LIFR: variants seen among roughly 807,000 people sequenced by gnomAD.
LIFR encodes the protein LIF receptor subunit alpha.
Under a neutral mutation model 122.2 loss-of-function variants are expected in LIFR, and 84 were observed. The ratio of observed to expected loss-of-function variants is 0.69; its 90% CI spans 0.58 to 0.82. The LOEUF (loss-of-function observed/expected upper bound fraction) is 0.82, where lower values mean the gene tolerates loss of function less well. Among genes scored for constraint, LIFR ranks in the 40% least tolerant of loss-of-function variants. The probability of loss-of-function intolerance (pLI) is 0.00; values close to 1 mark genes in which losing one functional copy is unlikely to be tolerated. For missense variants in LIFR, 1,294 were observed against 1,311.6 expected (o/e 0.99, Z 0.21); for synonymous variants, 422 against 434.7 (o/e 0.97, Z 0.36).
intron 8 of LIFR, 21 bp downstream of exon 8, chr5:38,506,482 T>C (rs1458372434): frequency 9.3e-6 from 15 of 1,613,864 alleles, no homozygotes; most frequent in Non-Finnish European, 1.3e-5. Context: ...CCATCTGACA[T>C]CTTTTCCCAG....
At chr5:38,592,738 TAATTA>T (rs938823894) in intron 1 of LIFR, among the ~76,000 whole-genome samples, 98 of 152,288 alleles carry the variant, frequency 6.4e-4, no homozygotes, top group African/African-American at 2.2e-3. Context: ...ACTAATAGTT[TAATTA>T]AATTAAACTA....
chr5:38,494,395 G>A (rs374924381), intron 13 of LIFR, among the ~76,000 whole-genome samples: 6 of 152,126 alleles, frequency 3.9e-5, no homozygotes, highest in African/African-American at 1.2e-4. Context: ...AGGTGGGATG[G>A]CCAGTGTGGA....
Position 38,530,612 on chromosome 5 carries a change from G to A in LIFR, c.36C>T (p.Ser12=). 6.2e-7 allele frequency: 1 copy of A among 1,613,368 alleles called. No homozygotes were observed. Among genetic ancestry groups the A allele is most frequent in the Non-Finnish European group, 8.5e-7 (1 of 1,179,352 alleles). ...TCATTCTTTTATTGTCCACCATCCAGGATGGTCGTTTCAAACATACGTAAA... is the reference window on the plus strand; with the variant it reads ...TCATTCTTTTATTGTCCACCATCCAAGATGGTCGTTTCAAACATACGTAAA... ...MDIYVCLKRP[S]WMVDNKRMRT... is the part of the protein sequence containing the mutation. Residue 12 remains serine (S), a synonymous_variant, in exon 2 of 20, where the codon TCC becomes TCT. Transcript: ENST00000453190.
intron 9 of LIFR, among the ~76,000 whole-genome samples, chr5:38,505,065 T>C (rs941708216): frequency 1.3e-5 from 2 of 152,218 alleles, no homozygotes; most frequent in South Asian, 4.2e-4. Context: ...TTTATTTTTA[T>C]TTGGAGCTAT....
intron 1 of LIFR, among the ~76,000 whole-genome samples, chr5:38,552,683 G>C (rs1748267719): frequency 6.6e-6 from 1 of 152,182 alleles, no homozygotes; most frequent in South Asian, 2.1e-4. Flanking sequence ...TCATGGAAGA[G>C]CAGTCAAGTG....
Position 38,569,839 on chromosome 5 carries a change from T to C in LIFR, c.-20+25422A>G, listed in dbSNP as rs1749152798. Reference sequence around the variant, plus strand: ...CCTCCTCTTTCCGAAGAATCTTTATTCTAATATTCATTTCATTCTGCCTAG... The same window carrying C: ...CCTCCTCTTTCCGAAGAATCTTTATCCTAATATTCATTTCATTCTGCCTAG... On this transcript the variant is annotated intron_variant, in intron 1 of 19. Coordinates refer to the LIFR transcript ENST00000263409. Among the ~76,000 whole-genome samples the C allele has an allele frequency of 1.3e-5, 2 of 152,218 alleles. 1 individual carries two copies. Among genetic ancestry groups the C allele is most frequent in the South Asian group, 4.1e-4 (2 of 4,830 alleles).
chr5:38,481,629 A>G lies in LIFR; in HGVS notation c.3260T>C (p.Phe1087Ser), dbSNP rs1743989521. ...TGGTTTGTTCTGAAAAAAGTTTGTA[A>G]AGGACCACCCTCCTCCATTAGATTT... ...SPKSNGGGWS[F>S]TNFFQNKPND Residue 1087 changes from phenylalanine (F) to serine (S), a missense_variant, in exon 20 of 20, where the codon TTT (phenylalanine) becomes TCT (serine). Phe to Ser is a radical substitution (Grantham distance 155). Coordinates refer to ENST00000453190, the MANE Select transcript of LIFR (RefSeq NM_001127671.2). The G allele has an allele frequency of 1.2e-6, 2 of 1,614,136 alleles. No homozygotes were observed. Among genetic ancestry groups the G allele is most frequent in the East Asian group, 4.5e-5 (2 of 44,890 alleles).
Position 38,480,929 on chromosome 5 carries a change from CT to C in LIFR, c.*665del, listed in dbSNP as rs1743951216. Reference sequence around the variant, plus strand: ...CAAGAAAACATGATTATGATTTGGGCTGGTCAGTGTCACACTTGTTTTCAAA... The same window carrying C: ...CAAGAAAACATGATTATGATTTGGGCGGTCAGTGTCACACTTGTTTTCAAA... On this transcript the variant is annotated 3_prime_UTR_variant, in exon 20 of 20. Transcript: ENST00000453190. 1 of 220,698 alleles carries C rather than the reference CT, an allele frequency of 4.5e-6. No individual in the cohort carries two copies. The allele number at this position is 220,698 out of a possible 1,614,324, so 13.7% of individuals were successfully genotyped here.
Position 38,493,724 on chromosome 5 carries a change from G to C in LIFR, c.1947C>G (p.Tyr649Ter). ...MGKGILLTWH[Y>*]DPNMTCDYVI... ...CGTAGTCGCAAGTCATGTTGGGGTC[G>C]TAATGCCAGGTGAGGAGAATCCCCT... The change falls in exon 14 of 20, where the codon TAC becomes TAG. Residue 649 changes from tyrosine to a stop codon, truncating the protein, a stop_gained. Transcript: ENST00000453190. LOFTEE classifies it high-confidence loss of function. 1 of 1,614,064 alleles carries C rather than the reference G, an allele frequency of 6.2e-7. No homozygotes were observed. The highest frequency in any genetic ancestry group is 8.5e-7 in the Non-Finnish European group (1 of 1,179,978).
Position 38,528,845 on chromosome 5 carries a change from AG to A in LIFR, c.143-6del, listed in dbSNP as rs1554023904. On this transcript the variant is annotated splice_region_variant and splice_polypyrimidine_tract_variant and intron_variant, in intron 2 of 19. Coordinates refer to ENST00000453190, the MANE Select transcript of LIFR (RefSeq NM_001127671.2). ...ACTTCAAATCATGAGGAGCCCCTGG[AG>A]GAGACACACACACACACACACACAC... is the stretch of plus-strand genomic sequence containing the variant. The A allele has an allele frequency of 7.3e-7, 1 of 1,362,560 alleles. No homozygotes were observed. The highest frequency in any genetic ancestry group is 2.1e-5 in the Admixed American group (1 of 48,054). The allele number at this position is 1,362,560 out of a possible 1,614,324, so 84.4% of individuals were successfully genotyped here.
intron 1 of LIFR, among the ~76,000 whole-genome samples, chr5:38,564,773 CACACAT>C (rs1422790347): frequency 5.9e-4 from 76 of 129,778 alleles, no homozygotes; most frequent in African/African-American, 7.6e-4. Flanking sequence ...CACACACACA[CACACAT>C]ATATTTTTTT....
At position 38,502,620 on chromosome 5, in the gene LIFR, T is replaced by A. The variant is rs773693520; in HGVS notation, c.1600+17A>T. On this transcript the variant is annotated intron_variant, in intron 11 of 19. Coordinates refer to ENST00000453190, the MANE Select transcript of LIFR (RefSeq NM_001127671.2). Reference sequence around the variant, plus strand: ...ATACACAGTAATTATTAGCCATACATCACTTAGTTAACTTACTGGCTTCTG... The same window carrying A: ...ATACACAGTAATTATTAGCCATACAACACTTAGTTAACTTACTGGCTTCTG... 4 of 1,591,258 alleles carry A rather than the reference T, an allele frequency of 2.5e-6. No homozygotes were observed. In the Admixed American group the frequency reaches 5.0e-5, roughly 20 times the overall value.
chr5:38,579,277 G>A (rs1262030577), intron 1 of LIFR: 3 of 152,072 alleles, frequency 2.0e-5, no homozygotes, highest in African/African-American at 4.8e-5. Flanking sequence ...CTTACCCACA[G>A]CCATGTTACA....
chr5:38,594,068 A>G (rs532055873), intron 1 of LIFR, among the ~76,000 whole-genome samples: 137 of 152,314 alleles, frequency 9.0e-4, no homozygotes, highest in African/African-American at 3.2e-3. Context: ...ATCCAGGGAA[A>G]GGTCTTGAAT....
Position 38,517,351 on chromosome 5 carries a change from C to A in LIFR, c.562-5387G>T, listed in dbSNP as rs1446225647. ...AAATATTGCCACTTTACAAAAGATA[C>A]AAACTAGGTTTGAGGAGTTATCCTA... On this transcript the variant is annotated intron_variant, in intron 5 of 19. Coordinates refer to ENST00000453190, the MANE Select transcript of LIFR (RefSeq NM_001127671.2). 2.0e-5 allele frequency among the ~76,000 whole-genome samples: 3 copies of A among 152,114 alleles called. No homozygotes were observed. In the East Asian group the frequency reaches 5.8e-4, roughly 29 times the overall value.
At chr5:38,515,393 AAGG>A (rs981899727) in intron 5 of LIFR, among the ~76,000 whole-genome samples, 2 of 152,134 alleles carry the variant, frequency 1.3e-5, no homozygotes, top group African/African-American at 4.8e-5. Flanking sequence ...TGAAAATTCC[AAGG>A]AGATCTACAC....
intron 1 of LIFR, among the ~76,000 whole-genome samples, chr5:38,542,675 T>A (rs1441226432): frequency 2.0e-5 from 3 of 152,140 alleles, no homozygotes; most frequent in Admixed American, 6.5e-5. Context: ...GTGCACCTCC[T>A]CACAGTGGCC....
chr5:38,533,681 CCT>C (rs1747141683), intron 1 of LIFR, among the ~76,000 whole-genome samples: 1 of 152,132 alleles, frequency 6.6e-6, no homozygotes, highest in African/African-American at 2.4e-5. Flanking sequence ...TCCCCCAACC[CCT>C]CTCTATATAC....
chr5:38,482,275 T>C (rs1744035886), intron 19 of LIFR, 57 bp from the exon 20 acceptor site: 2 of 1,528,174 alleles, frequency 1.3e-6, no homozygotes, highest in Middle Eastern at 1.8e-4. Flanking sequence ...ATTGCAATGC[T>C]CCTCCTATAA....
Sources: allele counts gnomAD v4.1 joint callset (sites outside exome capture counted in the v4.1 genomes callset), GRCh38; gene constraint gnomAD v4.1.1; transcripts MANE v1.5; gene names NCBI Gene and HGNC (gene_info 2026-07-23, HGNC 2026-07-21).